The following AADAT variants were observed in gnomAD, a reference collection of about 807,000 sequenced individuals.
AADAT encodes aminoadipate aminotransferase.
Under a neutral mutation model 56.2 loss-of-function variants are expected in AADAT, and 25 were observed. The observed-to-expected ratio is 0.44, with a 90% CI of 0.32 to 0.62. The LOEUF (loss-of-function observed/expected upper bound fraction) is 0.62. Ranked by LOEUF, AADAT falls within the 20% of genes least tolerant of loss-of-function variation. The probability of loss-of-function intolerance (pLI) is 0.04; values close to 1 mark genes in which losing one functional copy is unlikely to be tolerated. For missense variants in AADAT, 387 were observed against 510.5 expected, an observed-to-expected ratio of 0.76 and a Z score of 2.33; for synonymous variants, 173 against 164.7, an observed-to-expected ratio of 1.05 and a Z score of -0.39.
At chr4:170,089,567 A>G (rs759352558) in intron 1 of AADAT, 57 bp downstream of exon 1, 2 of 1,602,142 alleles carry the variant, frequency 1.2e-6, no homozygotes, top group East Asian at 4.5e-5. Context: ...AACCCTCCTT[A>G]GAGGCTGTGC....
upstream of AADAT, among the ~76,000 whole-genome samples, chr4:170,093,542 G>A (rs1024780061): frequency 3.3e-5 from 5 of 152,174 alleles, no homozygotes; most frequent in Admixed American, 3.3e-4. Flanking sequence ...TTGTAAGCAC[G>A]TTGATGCACC....
chr4:170,084,152 A>C lies in AADAT; in HGVS notation c.369+2964T>G, dbSNP rs917000792. On this transcript the variant is annotated intron_variant, in intron 3 of 12. Transcript: ENST00000337664. ...CCAAGTATAGAAACACAAATATTGC[A>C]TGTTCTCCCTCATCTGTGGGAGCTA... Among the ~76,000 whole-genome samples the C allele has an allele frequency of 4.7e-4, 72 of 152,198 alleles. 1 individual carries two copies. Among genetic ancestry groups the C allele is most frequent in the African/African-American group, 1.7e-3 (70 of 41,452 alleles).
intron 12 of AADAT, 131 bp from the exon 13 acceptor site, chr4:170,061,100 A>G: frequency 1.8e-6 from 1 of 554,498 alleles, no homozygotes; most frequent in Non-Finnish European, 3.0e-6. Context: ...AGTCAAGTTT[A>G]ACATCAACTT....
At chr4:170,070,388 C>T (rs1272366077) in intron 6 of AADAT, 199 bp downstream of exon 6, 2 of 442,040 alleles carry the variant, frequency 4.5e-6, no homozygotes, top group South Asian at 3.3e-5. Flanking sequence ...AGCAGTAATA[C>T]CAAAAAAGAA....
At chr4:170,078,046 G>A (rs1192492656) in intron 4 of AADAT, among the ~76,000 whole-genome samples, 1 of 152,122 alleles carries the variant, frequency 6.6e-6, no homozygotes. Context: ...CAGATCATCA[G>A]CTTCCTCATT....
intron 4 of AADAT, among the ~76,000 whole-genome samples, chr4:170,074,863 G>A (rs1731960556): frequency 6.6e-6 from 1 of 151,764 alleles, no homozygotes; most frequent in Admixed American, 6.6e-5. Context: ...TCATGGTTGA[G>A]CATTAAAAAG....
In AADAT at chr4:170,087,131, T is replaced by C. The variant is rs368592471; in HGVS notation, c.354A>G (p.Gln118=). 38 of 1,613,940 alleles carry C rather than the reference T, an allele frequency of 2.4e-5. No homozygotes were observed. The highest frequency in any genetic ancestry group is 2.9e-5 in the Non-Finnish European group (34 of 1,180,018). The change falls in exon 3 of 13, where the codon CAA becomes CAG. Residue 118 remains glutamine (Q), a synonymous_variant. Coordinates refer to ENST00000337664, the MANE Select transcript of AADAT (RefSeq NM_016228.4). Reference sequence around the variant, plus strand: ...TCAGTCTTACCTTACAAAGACCTTGTTGGCTGCCAGATGTGACACATAGAT... The same window carrying C: ...TCAGTCTTACCTTACAAAGACCTTGCTGGCTGCCAGATGTGACACATAGAT... ...QMDLCVTSGS[Q]QGLCKVFEMI...
chr4:170,086,038 C>T (rs1207733216), intron 3 of AADAT, among the ~76,000 whole-genome samples: 1 of 151,480 alleles, frequency 6.6e-6, no homozygotes, highest in Non-Finnish European at 1.5e-5. Context: ...GGTGGACAGA[C>T]TGCTTGAGCC....
chr4:170,086,373 G>C (rs1325872126), intron 3 of AADAT, among the ~76,000 whole-genome samples: 2 of 152,052 alleles, frequency 1.3e-5, no homozygotes, highest in African/African-American at 4.8e-5. Flanking sequence ...AAGGGAAGAA[G>C]ATGGAATAAC....
At position 170,078,414 on chromosome 4, in the gene AADAT, A is replaced by G; in HGVS notation, c.444+95T>C. ...ATTATTTTAAAGTTAATAAGATATT[A>G]ACTTTATTATAATAAAGTTATTATA... On this transcript the variant is annotated intron_variant, in intron 4 of 12. Coordinates refer to ENST00000337664, the MANE Select transcript of AADAT (RefSeq NM_016228.4). 6 of 658,600 alleles carry G rather than the reference A, an allele frequency of 9.1e-6. No individual in the cohort carries two copies. In the South Asian group the frequency reaches 1.3e-4, roughly 15 times the overall value. The allele number at this position is 658,600 out of a possible 1,614,324, so 40.8% of individuals were successfully genotyped here.
Position 170,060,613 on chromosome 4 carries a change from A to C in AADAT, c.*315T>G, listed in dbSNP as rs1356123067. 2 of 210,456 alleles carry C rather than the reference A, an allele frequency of 9.5e-6. No homozygotes were observed. The highest frequency in any genetic ancestry group is 1.9e-5 in the Non-Finnish European group (2 of 106,882). The allele number at this position is 210,456 out of a possible 1,614,324, so 13.0% of individuals were successfully genotyped here. On this transcript the variant is annotated 3_prime_UTR_variant, in exon 13 of 13. Transcript: ENST00000337664. ...GGCACTTTAAAAGGTGTCTAGTTGA[A>C]CTACTACAGATAGGACATGTTTGAG...
intron 1 of AADAT, chr4:170,089,389 TCTA>T: frequency 1.7e-6 from 1 of 597,540 alleles, no homozygotes; most frequent in Non-Finnish European, 3.0e-6. Context: ...TGCGCCTCTC[TCTA>T]CTGTTGCTCC....
chr4:170,063,565 A>G (rs1477352172), intron 11 of AADAT, among the ~76,000 whole-genome samples: 2 of 152,258 alleles, frequency 1.3e-5, no homozygotes, highest in African/African-American at 4.8e-5. Context: ...TTAGGGTTAG[A>G]ACAATTAATG....
At chr4:170,064,889 T>C in intron 10 of AADAT, 64 bp from the exon 11 acceptor site, 1 of 1,378,966 alleles carries the variant, frequency 7.3e-7, no homozygotes, top group Non-Finnish European at 1.0e-6. Context: ...TATCAAAGTG[T>C]GTTGTTAAAT....
In AADAT at chr4:170,087,136, T is replaced by C; in HGVS notation, c.349A>G (p.Ser117Gly). The C allele has an allele frequency of 6.2e-7, 1 of 1,614,084 alleles. No homozygotes were observed. Among genetic ancestry groups the C allele is most frequent in the African/African-American group, 1.3e-5 (1 of 75,062 alleles). Residue 117 changes from serine to glycine, a missense_variant, in exon 3 of 13, where the codon AGC (serine) becomes GGC (glycine). Ser to Gly is a moderately conservative substitution (Grantham distance 56). Coordinates refer to ENST00000337664, the MANE Select transcript of AADAT (RefSeq NM_016228.4). Reference sequence around the variant, plus strand: ...CTTACCTTACAAAGACCTTGTTGGCTGCCAGATGTGACACATAGATCCATT... The same window carrying C: ...CTTACCTTACAAAGACCTTGTTGGCCGCCAGATGTGACACATAGATCCATT... ...GQMDLCVTSG[S>G]QQGLCKVFEM...
At position 170,067,321 on chromosome 4, in the gene AADAT, C is replaced by G; in HGVS notation, c.962+6G>C. On this transcript the variant is annotated splice_donor_region_variant and intron_variant, in intron 9 of 12. Coordinates refer to ENST00000337664, the MANE Select transcript of AADAT (RefSeq NM_016228.4). ...TTCATAAATATTTAAAGAAATGATA[C>G]AATACCTGTCTACATGAGCCATGAA... is the stretch of plus-strand genomic sequence containing the variant. 6.2e-7 allele frequency: 1 copy of G among 1,609,708 alleles called. No individual in the cohort carries two copies. The highest frequency in any genetic ancestry group is 8.5e-7 in the Non-Finnish European group (1 of 1,176,524).
At chr4:170,088,800 G>T (rs1732690986) in intron 1 of AADAT, among the ~76,000 whole-genome samples, 1 of 152,136 alleles carries the variant, frequency 6.6e-6, no homozygotes. Flanking sequence ...CCACCCTCCT[G>T]AATGGGATTG....
At chr4:170,077,025 T>C (rs1732070923) in intron 4 of AADAT, among the ~76,000 whole-genome samples, 1 of 152,212 alleles carries the variant, frequency 6.6e-6, no homozygotes, top group Non-Finnish European at 1.5e-5. Flanking sequence ...TTTGTGGGTT[T>C]ATTTCTGGAT....
intron 4 of AADAT, 138 bp from the exon 5 acceptor site, chr4:170,073,483 C>G: frequency 1.4e-6 from 1 of 709,056 alleles, no homozygotes; most frequent in Non-Finnish European, 2.3e-6. Context: ...GCTCTGAGCT[C>G]CTGAGGGTTG....
Sources: allele counts gnomAD v4.1 joint callset (sites outside exome capture counted in the v4.1 genomes callset), GRCh38; gene constraint gnomAD v4.1.1; transcripts MANE v1.5; gene names NCBI Gene and HGNC (gene_info 2026-07-23, HGNC 2026-07-21).